PPFIA1: variants seen among roughly 807,000 people sequenced by gnomAD.
The protein encoded by PPFIA1 is liprin-alpha-1.
Under a neutral mutation model 149.9 loss-of-function variants are expected in PPFIA1, and 25 were observed. That is an observed-to-expected ratio of 0.17 (90% CI 0.12 to 0.23). The LOEUF (loss-of-function observed/expected upper bound fraction) is 0.23. Among genes scored for constraint, PPFIA1 ranks in the 10% least tolerant of loss-of-function variants. The probability of loss-of-function intolerance (pLI) is 1.00; values close to 1 mark genes in which losing one functional copy is unlikely to be tolerated. For missense variants in PPFIA1, 1,362 were observed against 1,506.5 expected, an observed-to-expected ratio of 0.90 and a Z score of 1.59; for synonymous variants, 549 against 552.8, an observed-to-expected ratio of 0.99 and a Z score of 0.10.
intron 2 of PPFIA1, among the ~76,000 whole-genome samples, chr11:70,304,458 A>G (rs2136403793): frequency 6.6e-6 from 1 of 152,304 alleles, no homozygotes; most frequent in South Asian, 2.1e-4. Flanking sequence ...GTGAGCCAAC[A>G]TGCTCAGCCT....
intron 2 of PPFIA1, among the ~76,000 whole-genome samples, chr11:70,287,968 C>T (rs2051259672): frequency 6.6e-6 from 1 of 151,902 alleles, no homozygotes; most frequent in Admixed American, 6.6e-5. Flanking sequence ...TTTTTAAATT[C>T]AGGCGTTTAT....
intron 14 of PPFIA1, chr11:70,341,855 C>G (rs983900941): frequency 6.5e-6 from 1 of 153,102 alleles, no homozygotes; most frequent in Non-Finnish European, 1.5e-5. Flanking sequence ...GGAGCCCACC[C>G]TGCTGATGGG....
chr11:70,333,410 T>A, intron 9 of PPFIA1, 60 bp from the exon 10 acceptor site: 1 of 1,349,476 alleles, frequency 7.4e-7, no homozygotes, highest in Non-Finnish European at 1.0e-6. Flanking sequence ...TGCAGTGGTA[T>A]GCAGCATGTC....
chr11:70,304,769 C>T (rs1226698042), intron 2 of PPFIA1, among the ~76,000 whole-genome samples: 1 of 152,170 alleles, frequency 6.6e-6, no homozygotes, highest in Non-Finnish European at 1.5e-5. Flanking sequence ...ATTAGAGGCA[C>T]ACAGCGGCAG....
chr11:70,305,103 C>T (rs1210447068), intron 2 of PPFIA1, among the ~76,000 whole-genome samples: 2 of 152,134 alleles, frequency 1.3e-5, no homozygotes, highest in Non-Finnish European at 2.9e-5. Flanking sequence ...CCTAGTGTCC[C>T]GCAGGCAGAG....
chr11:70,380,172 C>G (rs910867764), intron 26 of PPFIA1, among the ~76,000 whole-genome samples: 1 of 152,074 alleles, frequency 6.6e-6, no homozygotes, highest in African/African-American at 2.4e-5. Context: ...CTTTGGGAGG[C>G]TGAGGTGGGT....
At chr11:70,289,155 A>G (rs1245467344) in intron 2 of PPFIA1, among the ~76,000 whole-genome samples, 1 of 151,360 alleles carries the variant, frequency 6.6e-6, no homozygotes, top group Non-Finnish European at 1.5e-5. Context: ...TATTTTTAGT[A>G]TTGATGGGGT....
At position 70,286,618 on chromosome 11, in the gene PPFIA1, C is replaced by G. The variant is rs954909158; in HGVS notation, c.264+14182C>G. Among the ~76,000 whole-genome samples, 3 of 152,252 alleles carry G rather than the reference C, an allele frequency of 2.0e-5. No homozygotes were observed. The East Asian group carries it at 5.8e-4, about 29-fold the overall frequency. On this transcript the variant is annotated intron_variant, in intron 2 of 27. Transcript: ENST00000253925. ...ACCTGTGGGATGGACCTTTCCATCT[C>G]TTGGAGGTTACCCCTGAGGCCCACT...
chr11:70,375,362 A>G (rs1381314903), intron 24 of PPFIA1: 2 of 286,218 alleles, frequency 7.0e-6, no homozygotes, highest in Non-Finnish European at 1.3e-5. Context: ...TAGTTCTTAC[A>G]TGGAAAGAGA....
intron 2 of PPFIA1, among the ~76,000 whole-genome samples, chr11:70,306,085 A>G (rs542932726): frequency 6.6e-6 from 1 of 152,378 alleles, no homozygotes; most frequent in African/African-American, 2.4e-5. Context: ...CTGTGGGACT[A>G]GAAAAATGGC....
chr11:70,318,687 A>T (rs1235971285), intron 2 of PPFIA1, among the ~76,000 whole-genome samples: 1 of 152,162 alleles, frequency 6.6e-6, no homozygotes, highest in Non-Finnish European at 1.5e-5. Flanking sequence ...TTGACCCGCC[A>T]CTGCAGCATG....
intron 19 of PPFIA1, among the ~76,000 whole-genome samples, chr11:70,359,781 T>G (rs2056542419): frequency 6.6e-6 from 1 of 152,266 alleles, no homozygotes; most frequent in Admixed American, 6.5e-5. Flanking sequence ...CATTATAGCA[T>G]TCTCAGTAGC....
intron 2 of PPFIA1, among the ~76,000 whole-genome samples, chr11:70,301,282 C>T (rs1473365193): frequency 6.6e-6 from 1 of 152,204 alleles, no homozygotes; most frequent in Non-Finnish European, 1.5e-5. Context: ...AGGCATGTCT[C>T]TGCAAACCAC....
At chr11:70,354,590 T>TTACA in intron 17 of PPFIA1, 138 bp downstream of exon 17, 1 of 979,176 alleles carries the variant, frequency 1.0e-6, no homozygotes, top group Non-Finnish European at 1.5e-6. Context: ...TATTTACATG[T>TTACA]TACACTTAGA....
chr11:70,278,562 C>T (rs776954329), intron 2 of PPFIA1, among the ~76,000 whole-genome samples: 3 of 152,014 alleles, frequency 2.0e-5, no homozygotes, highest in Admixed American at 6.6e-5. Flanking sequence ...ATGACTTTTA[C>T]TGAGTTTATC....
intron 2 of PPFIA1, among the ~76,000 whole-genome samples, chr11:70,287,848 T>C (rs1301703251): frequency 6.6e-6 from 1 of 152,056 alleles, no homozygotes; most frequent in Non-Finnish European, 1.5e-5. Context: ...GGTCTCCCTA[T>C]GTGCCCCAGG....
rs1389079586 is a variant in PPFIA1, at chr11:70,325,501, T to C, written c.533T>C (p.Val178Ala). ...FEHHKALDEKVRERLRVALER... is the reference protein window; with the variant it reads ...FEHHKALDEKARERLRVALER... Reference sequence around the variant, plus strand: ...AAACTCAACCCCTTTTATTTTCAGGTGAGAGAGCGATTACGAGTAGCACTT... The same window carrying C: ...AAACTCAACCCCTTTTATTTTCAGGCGAGAGAGCGATTACGAGTAGCACTT... Residue 178 changes from valine to alanine, a missense_variant and splice_region_variant, in exon 5 of 28, where the codon GTG becomes GCG. Coordinates refer to ENST00000253925, the MANE Select transcript of PPFIA1 (RefSeq NM_003626.5). The C allele has an allele frequency of 1.9e-6, 3 of 1,578,556 alleles. No homozygotes were observed. In the African/African-American group the frequency reaches 4.1e-5, roughly 21 times the overall value.
At chr11:70,335,829 A>G in intron 11 of PPFIA1, 135 bp downstream of exon 11, 1 of 1,023,754 alleles carries the variant, frequency 9.8e-7, no homozygotes, top group South Asian at 1.5e-5. Flanking sequence ...TAAAGTGGAA[A>G]AGGTATGCAC....
At chr11:70,357,961 C>G (rs190611839) in intron 19 of PPFIA1, among the ~76,000 whole-genome samples, 20 of 152,222 alleles carry the variant, frequency 1.3e-4, no homozygotes, top group Middle Eastern at 6.8e-3. Flanking sequence ...AACTTTCTGC[C>G]TCCTGGAAAC....
Sources: allele counts gnomAD v4.1 joint callset (sites outside exome capture counted in the v4.1 genomes callset), GRCh38; gene constraint gnomAD v4.1.1; transcripts MANE v1.5; gene names NCBI Gene and HGNC (gene_info 2026-07-23, HGNC 2026-07-21).